The following SDCBP variants were observed in gnomAD, a reference collection of about 807,000 sequenced individuals.
SDCBP encodes syntenin-1.
SDCBP carries 22 observed loss-of-function variants against 30.5 expected under a neutral mutation model. The ratio of observed to expected loss-of-function variants is 0.72; its 90% CI spans 0.52 to 1.03. SDCBP has a LOEUF of 1.03. Ranked by LOEUF, SDCBP falls within the 50% of genes least tolerant of loss-of-function variation. The pLI is 0.00. For synonymous variants in SDCBP, 103 were observed against 118.7 expected, an observed-to-expected ratio of 0.87 and a Z score of 0.86; for missense variants, 304 against 369.9, an observed-to-expected ratio of 0.82 and a Z score of 1.46.
chr8:58,561,687 C>A, intron 1 of SDCBP: 2 of 627,140 alleles, frequency 3.2e-6, no homozygotes, highest in East Asian at 2.8e-5. Context: ...CTGACTTAAA[C>A]GCCAATGGGA....
chr8:58,576,869 T>C (rs1175084376), intron 5 of SDCBP, among the ~76,000 whole-genome samples: 2 of 152,212 alleles, frequency 1.3e-5, no homozygotes, highest in African/African-American at 2.4e-5. Flanking sequence ...GGTGCACTGC[T>C]GTAAATGGAG....
chr8:58,582,620 C>CT lies in SDCBP; in HGVS notation c.*884dup, dbSNP rs1463485334. On this transcript the variant is annotated 3_prime_UTR_variant, in exon 9 of 9. Coordinates refer to ENST00000260130, the MANE Select transcript of SDCBP (RefSeq NM_005625.4). ...TAAACAGGATAAACTTTTGACTCCCCTTTTGTTCATTTGTGGATTAAGTGG... is the reference window on the plus strand; with the variant it reads ...TAAACAGGATAAACTTTTGACTCCCCTTTTTGTTCATTTGTGGATTAAGTGG... The CT allele has an allele frequency of 6.6e-6, 1 of 152,606 alleles. No individual in the cohort carries two copies. The highest frequency in any genetic ancestry group is 1.9e-4 in the East Asian group (1 of 5,176). The allele number at this position is 152,606 out of a possible 1,614,324, so 9.5% of individuals were successfully genotyped here.
intron 5 of SDCBP, among the ~76,000 whole-genome samples, chr8:58,577,321 TACCTA>T (rs1330464922): frequency 1.3e-5 from 2 of 152,098 alleles, no homozygotes; most frequent in African/African-American, 4.8e-5. Flanking sequence ...CTTTTATACT[TACCTA>T]TTTATATTTT....
Position 58,570,886 on chromosome 8 carries a change from G to A in SDCBP, c.52-1G>A. On this transcript the variant is annotated splice_acceptor_variant, in intron 2 of 8. Coordinates refer to ENST00000260130, the MANE Select transcript of SDCBP (RefSeq NM_005625.4). LOFTEE classifies it high-confidence loss of function. ...TAGAATTTTCTTCTTTTCTTTTTCAGGCTCAAACTGCTTTTTCTGCAAACC... is the reference window on the plus strand; with the variant it reads ...TAGAATTTTCTTCTTTTCTTTTTCAAGCTCAAACTGCTTTTTCTGCAAACC... 6.2e-7 allele frequency: 1 copy of A among 1,611,528 alleles called. No individual in the cohort carries two copies. The highest frequency in any genetic ancestry group is 8.5e-7 in the Non-Finnish European group (1 of 1,178,250).
intron 1 of SDCBP, among the ~76,000 whole-genome samples, chr8:58,563,146 A>G (rs1804525286): frequency 6.6e-6 from 1 of 152,244 alleles, no homozygotes; most frequent in Admixed American, 6.5e-5. Context: ...GGCATTTTTA[A>G]CAGCATTATT....
chr8:58,581,842 G>A lies in SDCBP; in HGVS notation c.*102G>A, dbSNP rs1016946760. The A allele has an allele frequency of 2.2e-5, 19 of 867,266 alleles. No homozygotes were observed. In the African/African-American group the frequency reaches 3.2e-4, roughly 14 times the overall value. 53.7% of individuals were successfully genotyped at this position (867,266 alleles called of 1,614,324 possible). A position where few individuals can be genotyped will look rare whatever the true frequency, so the allele number is the denominator to read the frequency against. ...GCCTTCCCGGAGCCAGCGAGCATATGCTGCATGAGGACCTTTCTATCTTAC... is the reference window on the plus strand; with the variant it reads ...GCCTTCCCGGAGCCAGCGAGCATATACTGCATGAGGACCTTTCTATCTTAC... On this transcript the variant is annotated 3_prime_UTR_variant, in exon 9 of 9. Transcript: ENST00000260130.
At chr8:58,557,268 TTTATA>T (rs1183769355) in intron 1 of SDCBP, among the ~76,000 whole-genome samples, 2 of 132,326 alleles carry the variant, frequency 1.5e-5, no homozygotes, top group African/African-American at 5.8e-5. Context: ...TATTTAAATA[TTTATA>T]TTTAAAATAT....
At position 58,566,857 on chromosome 8, in the gene SDCBP, T is replaced by G. The variant is rs187178307; in HGVS notation, c.51+1773T>G. Among the ~76,000 whole-genome samples, 670 of 152,324 alleles carry G rather than the reference T, an allele frequency of 4.4e-3. 3 individuals carry two copies. The highest frequency in any genetic ancestry group is 5.1e-3 in the Non-Finnish European group (347 of 68,022). On this transcript the variant is annotated intron_variant, in intron 2 of 8. Transcript: ENST00000260130. ...CCAACCATTCATATTTTGTAAACTA[T>G]TCTGCAGTAGCCACTAGGCTGTGGC...
At chr8:58,566,527 C>T (rs761081311) in intron 2 of SDCBP, among the ~76,000 whole-genome samples, 7 of 152,148 alleles carry the variant, frequency 4.6e-5, no homozygotes, top group Non-Finnish European at 1.0e-4. Flanking sequence ...TAGATATTTA[C>T]ATTAAAGAAC....
intron 3 of SDCBP, among the ~76,000 whole-genome samples, chr8:58,571,450 G>A (rs34321771): frequency 1.6e-3 from 243 of 152,092 alleles, no homozygotes; most frequent in Non-Finnish European, 2.9e-3. Flanking sequence ...TTTCTTCAAG[G>A]TTCAGAGGGA....
At chr8:58,560,343 GCAGA>G (rs925418847) in intron 1 of SDCBP, 3 of 152,376 alleles carry the variant, frequency 2.0e-5, no homozygotes, top group Non-Finnish European at 2.9e-5. Context: ...CTATGGTAGG[GCAGA>G]CAGAGGATGA....
chr8:58,568,016 C>T (rs1379360961), intron 2 of SDCBP, among the ~76,000 whole-genome samples: 1 of 152,138 alleles, frequency 6.6e-6, no homozygotes, highest in Non-Finnish European at 1.5e-5. Flanking sequence ...TTATTGTATA[C>T]TGCTGTAGAC....
Position 58,565,103 on chromosome 8 carries a change from T to G in SDCBP, c.51+19T>G. 7.0e-7 allele frequency: 1 copy of G among 1,428,526 alleles called. No individual in the cohort carries two copies. 88.5% of individuals were successfully genotyped at this position (1,428,526 alleles called of 1,614,324 possible). On this transcript the variant is annotated intron_variant, in intron 2 of 8. Coordinates refer to ENST00000260130, the MANE Select transcript of SDCBP (RefSeq NM_005625.4). ...AATTCAGGTATGATAGTTTAAATACTTTTGTCAAAACAAACACAGTAACAT... is the reference window on the plus strand; with the variant it reads ...AATTCAGGTATGATAGTTTAAATACGTTTGTCAAAACAAACACAGTAACAT...
rs1490005543 is a variant in SDCBP at position 58,581,708 on chromosome 8, A to T, written c.865A>T (p.Ser289Cys). Residue 289 changes from serine (S) to cysteine (C), a missense_variant, in exon 9 of 9, where the codon AGC (serine) becomes TGC (cysteine). Ser to Cys is a moderately radical substitution (Grantham distance 112). Coordinates refer to ENST00000260130, the MANE Select transcript of SDCBP (RefSeq NM_005625.4). Reference sequence around the variant, plus strand: ...TAGGATGGCACCAAGCATTATGAAAAGCCTAATGGACCACACCATTCCTGA... The same window carrying T: ...TAGGATGGCACCAAGCATTATGAAATGCCTAATGGACCACACCATTCCTGA... The part of the protein sequence containing the change: ...IKRMAPSIMK[S>C]LMDHTIPEV The T allele has an allele frequency of 6.2e-7, 1 of 1,612,618 alleles. No individual in the cohort carries two copies. Among genetic ancestry groups the T allele is most frequent in the Non-Finnish European group, 8.5e-7 (1 of 1,179,120 alleles).
chr8:58,580,510 T>G lies in SDCBP; in HGVS notation c.751-7T>G. ...TGGAATTAATTTTTAATATGTGTTT[T>G]TATCAGGACTCTCAAATTGCAGACA... On this transcript the variant is annotated splice_polypyrimidine_tract_variant and splice_region_variant and intron_variant, in intron 7 of 8. Coordinates refer to ENST00000260130, the MANE Select transcript of SDCBP (RefSeq NM_005625.4). 1 of 1,452,320 alleles carries G rather than the reference T, an allele frequency of 6.9e-7. No homozygotes were observed. Among genetic ancestry groups the G allele is most frequent in the Non-Finnish European group, 9.7e-7 (1 of 1,035,338 alleles). 90.0% of individuals were successfully genotyped at this position (1,452,320 alleles called of 1,614,324 possible).
Position 58,572,309 on chromosome 8 carries a change from C to G in SDCBP, c.235C>G (p.Gln79Glu). Residue 79 changes from glutamine (Q) to glutamate (E), a missense_variant, in exon 4 of 9, where the codon CAG becomes GAG. By Grantham distance (29) the Gln-to-Glu change is conservative. Transcript: ENST00000260130. ...NVAVVSGAPL[Q>E]GQLVARPSSI... ...GGCCGTGGTTTCTGGTGCACCACTT[C>G]AGGGGGTATGTATAGTGTAATTAAT... is the stretch of plus-strand genomic sequence containing the variant. 6.3e-7 allele frequency: 1 copy of G among 1,583,816 alleles called. No homozygotes were observed. The highest frequency in any genetic ancestry group is 8.7e-7 in the Non-Finnish European group (1 of 1,153,076).
chr8:58,573,479 C>A (rs1805150125), intron 4 of SDCBP, among the ~76,000 whole-genome samples: 1 of 152,072 alleles, frequency 6.6e-6, no homozygotes, highest in Non-Finnish European at 1.5e-5. Context: ...ACTGGGATAA[C>A]ACAGGAGAGA....
At chr8:58,572,671 C>T (rs1805091798) in intron 4 of SDCBP, among the ~76,000 whole-genome samples, 1 of 152,062 alleles carries the variant, frequency 6.6e-6, no homozygotes, top group African/African-American at 2.4e-5. Flanking sequence ...TTCTATACTT[C>T]TAGCCTTCAT....
intron 4 of SDCBP, among the ~76,000 whole-genome samples, chr8:58,573,087 C>T (rs1805122997): frequency 1.3e-5 from 2 of 152,156 alleles, no homozygotes; most frequent in African/African-American, 4.8e-5. Context: ...GGATTACAGG[C>T]ATGAGCCACT....
Sources: gnomAD v4.1 joint callset for allele counts (sites outside exome capture counted in the v4.1 genomes callset) on GRCh38, gnomAD v4.1.1 for gene constraint, MANE v1.5 for transcripts, NCBI Gene and HGNC (gene_info 2026-07-23, HGNC 2026-07-21) for gene names.